Variants in WWC1 observed in about 807,000 individuals in gnomAD.
WWC1 encodes protein KIBRA.
Under a neutral mutation model 138.4 loss-of-function variants are expected in WWC1, and 55 were observed. The ratio of observed to expected loss-of-function variants is 0.40; its 90% CI spans 0.32 to 0.50. WWC1 has a LOEUF of 0.50. Among genes scored for constraint, WWC1 ranks in the 20% least tolerant of loss-of-function variants. The pLI, the probability that WWC1 is intolerant of heterozygous loss-of-function variation, is 0.72. For missense variants in WWC1, 1,226 were observed against 1,420.4 expected (o/e 0.86, Z 2.20); for synonymous variants, 524 against 564.9 (o/e 0.93, Z 1.03).
intron 1 of WWC1, among the ~76,000 whole-genome samples, chr5:168,318,249 AC>A (rs1771772641): frequency 6.6e-6 from 1 of 152,192 alleles, no homozygotes; most frequent in African/African-American, 2.4e-5. Context: ...TACCTTAATT[AC>A]AATAATAAAG....
chr5:168,401,395 C>T (rs1779299619), intron 5 of WWC1, among the ~76,000 whole-genome samples: 2 of 152,150 alleles, frequency 1.3e-5, no homozygotes, highest in Non-Finnish European at 2.9e-5. Context: ...CTTTTTGTCC[C>T]TCCCTGACTG....
chr5:168,428,803 G>A lies in WWC1; in HGVS notation c.2000+16G>A, dbSNP rs962533724. ...TTGCCCTGAAGTAAGTGACGAGGAC[G>A]AGGAGGACAGAAGGAACGGTCTGTG... On this transcript the variant is annotated intron_variant, in intron 13 of 22. Transcript: ENST00000265293. 1.1e-5 allele frequency: 17 copies of A among 1,612,838 alleles called. No homozygotes were observed. Among genetic ancestry groups the A allele is most frequent in the African/African-American group, 2.7e-5 (2 of 74,872 alleles).
rs541770385 is a variant in WWC1, at chr5:168,310,836, T to TAAAAAAAAAAAA, written c.119+18574_119+18575insAAAAAAAAAAAA. On this transcript the variant is annotated intron_variant, in intron 1 of 22. Coordinates refer to ENST00000265293, the MANE Select transcript of WWC1 (RefSeq NM_015238.3). ...CTGGGTGACAGAGGGAGACCCTGTC[T>TAAAAAAAAAAAA]AAAAAAAAAGCATAACTTGGAGATA... Among the ~76,000 whole-genome samples the TAAAAAAAAAAAA allele has an allele frequency of 2.5e-3, 275 of 112,178 alleles. 4 individuals carry two copies. The highest frequency in any genetic ancestry group is 7.2e-3 in the African/African-American group (256 of 35,698). The allele number at this position is 112,178 out of a possible 152,430, so 73.6% of individuals were successfully genotyped here.
chr5:168,379,647 G>T (rs1235853989), intron 2 of WWC1, among the ~76,000 whole-genome samples: 2 of 152,144 alleles, frequency 1.3e-5, no homozygotes, highest in Non-Finnish European at 2.9e-5. Flanking sequence ...TGATCCACCT[G>T]CCTCGGCCTC....
intron 3 of WWC1, among the ~76,000 whole-genome samples, chr5:168,394,488 G>GC (rs202031734): frequency 6.6e-6 from 1 of 152,104 alleles, no homozygotes; most frequent in African/African-American, 2.4e-5. Context: ...GCACTTGGGG[G>GC]GCCGAGGCGG....
chr5:168,442,800 G>A (rs1174999047), intron 16 of WWC1, among the ~76,000 whole-genome samples: 7 of 145,384 alleles, frequency 4.8e-5, no homozygotes, highest in East Asian at 2.0e-4. Context: ...TTACACTGTC[G>A]CACTCCAGCC....
chr5:168,423,315 G>A (rs1434712208), intron 10 of WWC1, among the ~76,000 whole-genome samples: 1 of 152,060 alleles, frequency 6.6e-6, no homozygotes, highest in Non-Finnish European at 1.5e-5. Context: ...GACTTTTAAG[G>A]CAGCTATAAC....
intron 15 of WWC1, among the ~76,000 whole-genome samples, chr5:168,441,207 G>T (rs4976610): frequency 0.21 from 32,146 of 152,090 alleles, 3,788 homozygotes; most frequent in East Asian, 0.4. Flanking sequence ...ATGAGGTATC[G>T]AAAGTCATCA....
intron 1 of WWC1, among the ~76,000 whole-genome samples, chr5:168,301,836 G>A (rs1043983033): frequency 2.4e-4 from 37 of 152,180 alleles, no homozygotes; most frequent in African/African-American, 8.4e-4. Flanking sequence ...CATTGGTAAC[G>A]GTAGAGGAAC....
At chr5:168,339,906 TTTCTC>T (rs1561630488) in intron 1 of WWC1, among the ~76,000 whole-genome samples, 21 of 80,694 alleles carry the variant, frequency 2.6e-4, no homozygotes, top group African/African-American at 9.8e-4. Context: ...TCTCTCTCTC[TTTCTC>T]TCTCTCTCTC....
chr5:168,306,133 C>T (rs987718675), intron 1 of WWC1, among the ~76,000 whole-genome samples: 2 of 152,174 alleles, frequency 1.3e-5, no homozygotes, highest in Non-Finnish European at 2.9e-5. Flanking sequence ...TGCAGTGGCT[C>T]ACGCCTGTAA....
intron 1 of WWC1, among the ~76,000 whole-genome samples, chr5:168,320,175 C>T (rs538592844): frequency 1.3e-5 from 2 of 152,224 alleles, no homozygotes; most frequent in South Asian, 4.1e-4. Flanking sequence ...GCTGGGATTA[C>T]AGGCGCCCGC....
At chr5:168,305,621 G>C (rs1770487393) in intron 1 of WWC1, among the ~76,000 whole-genome samples, 1 of 152,128 alleles carries the variant, frequency 6.6e-6, no homozygotes, top group African/African-American at 2.4e-5. Flanking sequence ...ACCTTCCTGA[G>C]CCCTGGTTTC....
intron 1 of WWC1, among the ~76,000 whole-genome samples, chr5:168,356,367 C>T (rs910074185): frequency 3.9e-5 from 6 of 152,264 alleles, no homozygotes; most frequent in South Asian, 4.1e-4. Flanking sequence ...CGGCTGTGAA[C>T]CTGGGTCCCT....
intron 19 of WWC1, among the ~76,000 whole-genome samples, chr5:168,456,593 G>A (rs931594249): frequency 2.0e-5 from 3 of 152,094 alleles, no homozygotes; most frequent in Admixed American, 1.3e-4. Context: ...TCGTACCATC[G>A]CACTCCAGCC....
chr5:168,322,427 G>T (rs1338660762), intron 1 of WWC1, among the ~76,000 whole-genome samples: 2 of 152,206 alleles, frequency 1.3e-5, no homozygotes, highest in Non-Finnish European at 2.9e-5. Flanking sequence ...AACAGGTGTG[G>T]CTGTGTCTCA....
chr5:168,364,677 A>G (rs986798064), intron 1 of WWC1, among the ~76,000 whole-genome samples: 1 of 152,182 alleles, frequency 6.6e-6, no homozygotes, highest in Non-Finnish European at 1.5e-5. Flanking sequence ...GGGTGGAAGG[A>G]TGAGAGTGGA....
intron 1 of WWC1, among the ~76,000 whole-genome samples, chr5:168,360,749 C>T (rs796820641): frequency 2.6e-5 from 4 of 152,320 alleles, no homozygotes; most frequent in African/African-American, 9.6e-5. Flanking sequence ...TTGGGAGGGG[C>T]CCCAAGTCAG....
intron 20 of WWC1, 91 bp downstream of exon 20, chr5:168,460,833 G>T: frequency 7.5e-7 from 1 of 1,331,942 alleles, no homozygotes. Flanking sequence ...CTAATGTCTG[G>T]CCATTTCTCC....
Sources: gnomAD v4.1 joint callset for allele counts (sites outside exome capture counted in the v4.1 genomes callset) on GRCh38, gnomAD v4.1.1 for gene constraint, MANE v1.5 for transcripts, NCBI Gene and HGNC (gene_info 2026-07-23, HGNC 2026-07-21) for gene names.